The following CPA3 variants were observed in gnomAD, a reference collection of about 807,000 sequenced individuals.
The protein encoded by CPA3 is mast cell carboxypeptidase A.
In CPA3, 52 loss-of-function variants were observed where a neutral mutation model predicts 55.8. The ratio of observed to expected loss-of-function variants is 0.93; its 90% confidence interval spans 0.75 to 1.17. CPA3 has a LOEUF of 1.17. Among genes scored for constraint, CPA3 ranks in the 50% most tolerant of loss-of-function variants. The pLI is 0.00. For missense variants in CPA3, 547 were observed against 509.1 expected, an observed-to-expected ratio of 1.07 and a Z score of -0.72; for synonymous variants, 179 against 171.2, an observed-to-expected ratio of 1.05 and a Z score of -0.36.
At chr3:148,865,436 A>G in intron 1 of CPA3, 37 bp from the exon 2 acceptor site, 1 of 1,611,708 alleles carries the variant, frequency 6.2e-7, no homozygotes, top group Non-Finnish European at 8.5e-7. Flanking sequence ...TTGTTTCCTT[A>G]CAGTTCACTT....
At chr3:148,871,612 C>T (rs1714068716) in intron 3 of CPA3, among the ~76,000 whole-genome samples, 1 of 152,128 alleles carries the variant, frequency 6.6e-6, no homozygotes, top group African/African-American at 2.4e-5. Flanking sequence ...TGTCTAAATC[C>T]AGATCCTCAA....
At position 148,882,560 on chromosome 3, in the gene CPA3, C is replaced by T; in HGVS notation, c.743C>T (p.Thr248Ile). Residue 248 changes from threonine to isoleucine, a missense_variant, in exon 8 of 11, where the codon ACT (threonine) becomes ATT (isoleucine). Transcript: ENST00000296046. ...AACCAAAACTCCAAATGCATCGGCACTGACCTCAACAGGAATTTTAATGCT... is the reference window on the plus strand; with the variant it reads ...AACCAAAACTCCAAATGCATCGGCATTGACCTCAACAGGAATTTTAATGCT... Reference protein sequence around the residue: ...SKNQNSKCIGTDLNRNFNASW... With the variant: ...SKNQNSKCIGIDLNRNFNASW... 1 of 1,613,772 alleles carries T rather than the reference C, an allele frequency of 6.2e-7. No individual in the cohort carries two copies. Among genetic ancestry groups the T allele is most frequent in the Non-Finnish European group, 8.5e-7 (1 of 1,179,758 alleles).
intron 3 of CPA3, among the ~76,000 whole-genome samples, chr3:148,878,229 C>T (rs1483269497): frequency 6.6e-6 from 1 of 152,166 alleles, no homozygotes; most frequent in Non-Finnish European, 1.5e-5. Context: ...TAGAGACTAT[C>T]ACACTGGACA....
chr3:148,880,710 TC>T (rs1275610984), intron 6 of CPA3, among the ~76,000 whole-genome samples: 1 of 152,164 alleles, frequency 6.6e-6, no homozygotes, highest in African/African-American at 2.4e-5. Flanking sequence ...GTATTTTGAC[TC>T]CTACCATATT....
At chr3:148,892,386 C>T (rs1048113318) in intron 10 of CPA3, among the ~76,000 whole-genome samples, 2 of 152,174 alleles carry the variant, frequency 1.3e-5, no homozygotes, top group African/African-American at 4.8e-5. Context: ...AGCACGGTGG[C>T]TCATGCCTGT....
At chr3:148,871,178 T>C (rs1376755609) in intron 3 of CPA3, among the ~76,000 whole-genome samples, 1 of 152,196 alleles carries the variant, frequency 6.6e-6, no homozygotes, top group Non-Finnish European at 1.5e-5. Context: ...GCCTACTGTG[T>C]CTCTTGATTC....
chr3:148,891,116 CT>C (rs1714653925), intron 10 of CPA3, among the ~76,000 whole-genome samples: 1 of 152,136 alleles, frequency 6.6e-6, no homozygotes, highest in Admixed American at 6.5e-5. Flanking sequence ...TGCTTAATCT[CT>C]CTGAGCCTAG....
At position 148,896,592 on chromosome 3, in the gene CPA3, G is replaced by A. The variant is rs374679149; in HGVS notation, c.1139G>A (p.Arg380Gln). Reference protein sequence around the residue: ...GIKHTFAFELRDKGKFGFLLP... With the variant: ...GIKHTFAFELQDKGKFGFLLP... ...AAACACACATTTGCCTTTGAGCTCC[G>A]AGATAAAGGCAAATTTGGTTTTCTC... The change falls in exon 11 of 11, where the codon CGA becomes CAA. Residue 380 changes from arginine (R) to glutamine (Q), a missense_variant. Coordinates refer to ENST00000296046, the MANE Select transcript of CPA3 (RefSeq NM_001870.4). 7.6e-6 allele frequency: 12 copies of A among 1,587,346 alleles called. No individual in the cohort carries two copies. The highest frequency in any genetic ancestry group is 3.4e-5 in the South Asian group (3 of 88,470).
chr3:148,865,640 A>G, intron 2 of CPA3, 92 bp downstream of exon 2: 1 of 1,113,446 alleles, frequency 9.0e-7, no homozygotes, highest in East Asian at 2.5e-5. Flanking sequence ...GGACTACAAA[A>G]GACTATTGAA....
chr3:148,885,860 T>G (rs1242035640), intron 9 of CPA3, among the ~76,000 whole-genome samples: 2 of 152,216 alleles, frequency 1.3e-5, no homozygotes, highest in Non-Finnish European at 2.9e-5. Flanking sequence ...TGTATGGGCT[T>G]TGGTTTTGTT....
At chr3:148,883,573 G>C (rs779784632) in intron 8 of CPA3, 40 bp from the exon 9 acceptor site, 20 of 1,498,590 alleles carry the variant, frequency 1.3e-5, no homozygotes, top group Admixed American at 3.4e-5. Context: ...TATATGGATG[G>C]GGAGCAGACT....
chr3:148,871,895 T>G (rs1168154874), intron 3 of CPA3, among the ~76,000 whole-genome samples: 1 of 152,204 alleles, frequency 6.6e-6, no homozygotes, highest in Non-Finnish European at 1.5e-5. Flanking sequence ...TATTTGCATA[T>G]TAATTATATG....
At chr3:148,887,846 G>A (rs1007809195) in intron 10 of CPA3, among the ~76,000 whole-genome samples, 2 of 152,166 alleles carry the variant, frequency 1.3e-5, no homozygotes, top group Non-Finnish European at 2.9e-5. Flanking sequence ...TGGAACAACA[G>A]CAGAATTAGT....
chr3:148,868,865 G>A (rs745904284), intron 2 of CPA3, 50 bp from the exon 3 acceptor site: 1 of 1,592,696 alleles, frequency 6.3e-7, no homozygotes, highest in South Asian at 1.1e-5. Flanking sequence ...TAATCAATAA[G>A]TGTTGGGTAA....
At chr3:148,870,321 G>A (rs915415208) in intron 3 of CPA3, among the ~76,000 whole-genome samples, 1 of 151,674 alleles carries the variant, frequency 6.6e-6, no homozygotes, top group Admixed American at 6.6e-5. Context: ...AACTCAAAAG[G>A]TCTGCTTCTG....
intron 3 of CPA3, among the ~76,000 whole-genome samples, chr3:148,871,674 C>T (rs1714070168): frequency 2.0e-5 from 3 of 152,090 alleles, no homozygotes; most frequent in Admixed American, 2.0e-4. Context: ...TTGCTTTCTA[C>T]GTCAAGTACC....
At chr3:148,886,378 C>A (rs748193163) in intron 10 of CPA3, among the ~76,000 whole-genome samples, 46 of 152,142 alleles carry the variant, frequency 3.0e-4, no homozygotes, top group Admixed American at 4.6e-4. Flanking sequence ...TTTCTAGAAA[C>A]AAATTATACT....
intron 9 of CPA3, among the ~76,000 whole-genome samples, chr3:148,884,586 T>A (rs1240838579): frequency 6.6e-6 from 1 of 152,174 alleles, no homozygotes; most frequent in East Asian, 1.9e-4. Context: ...TATTTTAAAA[T>A]TTTTAAGAGG....
intron 3 of CPA3, among the ~76,000 whole-genome samples, chr3:148,869,289 T>G (rs1201338076): frequency 2.0e-5 from 3 of 152,142 alleles, no homozygotes; most frequent in Non-Finnish European, 4.4e-5. Flanking sequence ...CAATTACCTA[T>G]ATCTACCATC....
Sources: gnomAD v4.1 joint callset for allele counts (sites outside exome capture counted in the v4.1 genomes callset) on GRCh38, gnomAD v4.1.1 for gene constraint, MANE v1.5 for transcripts, NCBI Gene and HGNC (gene_info 2026-07-23, HGNC 2026-07-21) for gene names.